Variants in RAPGEF1 observed in about 807,000 individuals in gnomAD.
The protein encoded by RAPGEF1 is Rap guanine nucleotide exchange factor 1.
In RAPGEF1, 33 loss-of-function variants were observed where a neutral mutation model predicts 143.3. The observed-to-expected ratio is 0.23, with a 90% CI of 0.17 to 0.31. RAPGEF1 has a LOEUF of 0.31. RAPGEF1 is among the 10% of genes least tolerant of loss of function. The pLI is 1.00. For synonymous variants in RAPGEF1, 629 were observed against 676.5 expected, an observed-to-expected ratio of 0.93 and a Z score of 1.09; for missense variants, 1,199 against 1,645.4, an observed-to-expected ratio of 0.73 and a Z score of 4.69.
At chr9:131,692,139 A>T (rs1833825482) in intron 1 of RAPGEF1, among the ~76,000 whole-genome samples, 1 of 152,212 alleles carries the variant, frequency 6.6e-6, no homozygotes, top group Non-Finnish European at 1.5e-5. Context: ...TCTTATCCAA[A>T]GTTCCAGCAA....
chr9:131,705,378 AC>A (rs1173035082), intron 1 of RAPGEF1, among the ~76,000 whole-genome samples: 5 of 152,044 alleles, frequency 3.3e-5, no homozygotes, highest in African/African-American at 9.7e-5. Flanking sequence ...AAAAAAAAAA[AC>A]CATGGATGTA....
In RAPGEF1 at chr9:131,721,465, G is replaced by A. The variant is rs12238813; in HGVS notation, c.61+18305C>T. ...AGAGTCCAACCCTTCAGTCTAAGGC[G>A]AAGTCTCGTTTGGAGGGGTGTACTT... On this transcript the variant is annotated intron_variant, in intron 1 of 26. Coordinates refer to ENST00000683357, the MANE Select transcript of RAPGEF1 (RefSeq NM_001377935.1). Among the ~76,000 whole-genome samples the A allele has an allele frequency of 1.9e-3, 283 of 152,270 alleles. 4 individuals carry two copies. In the East Asian group the frequency reaches 0.036, roughly 19 times the overall value.
At chr9:131,637,359 G>A (rs1405851509) in intron 5 of RAPGEF1, among the ~76,000 whole-genome samples, 1 of 152,198 alleles carries the variant, frequency 6.6e-6, no homozygotes, top group Non-Finnish European at 1.5e-5. Flanking sequence ...GCTGGGGTTG[G>A]AGGGCCACCC....
chr9:131,627,540 G>C (rs1023478132), intron 9 of RAPGEF1, among the ~76,000 whole-genome samples: 1 of 152,164 alleles, frequency 6.6e-6, no homozygotes, highest in East Asian at 1.9e-4. Flanking sequence ...GCCGGCTCGC[G>C]CGGCTCCCTC....
chr9:131,679,372 C>T (rs1832722529), intron 1 of RAPGEF1, among the ~76,000 whole-genome samples: 1 of 152,108 alleles, frequency 6.6e-6, no homozygotes, highest in Non-Finnish European at 1.5e-5. Flanking sequence ...GTCAGTGCTA[C>T]AAAAAGGACC....
intron 1 of RAPGEF1, among the ~76,000 whole-genome samples, chr9:131,691,943 A>AT (rs1470434860): frequency 6.6e-6 from 1 of 152,220 alleles, no homozygotes; most frequent in Non-Finnish European, 1.5e-5. Context: ...AAAACGAAAT[A>AT]TTTATGTTTT....
At chr9:131,730,710 A>AAAAAAAAAAAAAAC (rs1837007961) in intron 1 of RAPGEF1, among the ~76,000 whole-genome samples, 1 of 150,130 alleles carries the variant, frequency 6.7e-6, no homozygotes, top group Non-Finnish European at 1.5e-5. Context: ...AAAAAAAAAA[A>AAAAAAAAAAAAAAC]AAAAAAAAGA....
chr9:131,711,615 C>T (rs1835514996), intron 1 of RAPGEF1, among the ~76,000 whole-genome samples: 1 of 152,230 alleles, frequency 6.6e-6, no homozygotes, highest in Non-Finnish European at 1.5e-5. Flanking sequence ...GCCTCGGCCT[C>T]CCAAAGTGCT....
intron 1 of RAPGEF1, among the ~76,000 whole-genome samples, chr9:131,680,700 G>A (rs370954183): frequency 6.6e-6 from 1 of 152,208 alleles, no homozygotes; most frequent in African/African-American, 2.4e-5. Context: ...AGTATCTATA[G>A]AAACAATGCT....
At chr9:131,678,806 G>A (rs1288693409) in intron 1 of RAPGEF1, among the ~76,000 whole-genome samples, 1 of 152,172 alleles carries the variant, frequency 6.6e-6, no homozygotes, top group African/African-American at 2.4e-5. Flanking sequence ...CCATGATGGG[G>A]GGTGCCGGGG....
intron 1 of RAPGEF1, among the ~76,000 whole-genome samples, chr9:131,731,981 T>C (rs1051432125): frequency 6.6e-6 from 1 of 151,764 alleles, no homozygotes; most frequent in African/African-American, 2.4e-5. Flanking sequence ...GAGAAGAAAG[T>C]GGGAGAAAGG....
intron 1 of RAPGEF1, chr9:131,709,491 GT>G: frequency 1.3e-6 from 1 of 744,680 alleles, no homozygotes; most frequent in South Asian, 1.8e-5. Flanking sequence ...TTGAAATCAT[GT>G]TGGACTACCT....
chr9:131,644,353 T>G, intron 3 of RAPGEF1, among the ~76,000 whole-genome samples: 1 of 147,928 alleles, frequency 6.8e-6, no homozygotes, highest in Non-Finnish European at 1.5e-5. Flanking sequence ...TCTACAGAAG[T>G]GGAGTCTCTG....
intron 1 of RAPGEF1, among the ~76,000 whole-genome samples, chr9:131,710,473 A>G (rs534679844): frequency 7.2e-5 from 11 of 152,342 alleles, no homozygotes; most frequent in African/African-American, 2.6e-4. Flanking sequence ...GAAATCAATC[A>G]CATATTCTTG....
intron 14 of RAPGEF1, among the ~76,000 whole-genome samples, chr9:131,603,137 G>A (rs1243634718): frequency 6.6e-6 from 1 of 152,114 alleles, no homozygotes; most frequent in East Asian, 1.9e-4. Flanking sequence ...CTCTGGGTGG[G>A]CCTCTGAACC....
chr9:131,730,077 C>T (rs903932846), intron 1 of RAPGEF1, among the ~76,000 whole-genome samples: 1 of 151,358 alleles, frequency 6.6e-6, no homozygotes, highest in Non-Finnish European at 1.5e-5. Context: ...ACCTGTAGTC[C>T]CAGCTACTCA....
At chr9:131,649,170 T>C (rs1181493941) in intron 3 of RAPGEF1, among the ~76,000 whole-genome samples, 9 of 151,244 alleles carry the variant, frequency 6.0e-5, no homozygotes, top group African/African-American at 1.7e-4. Flanking sequence ...GCAGCTGGGA[T>C]TACAGGCGCC....
At chr9:131,676,946 ATC>A (rs1402446319) in intron 1 of RAPGEF1, among the ~76,000 whole-genome samples, 2 of 148,264 alleles carry the variant, frequency 1.3e-5, no homozygotes, top group Admixed American at 6.8e-5. Flanking sequence ...AGGCCCAGCA[ATC>A]TGTTTTAACA....
At position 131,626,400 on chromosome 9, in the gene RAPGEF1, T is replaced by C; in HGVS notation, c.1224A>G (p.Glu408=). The change falls in exon 10 of 27, where the codon GAA becomes GAG. Residue 408 remains glutamate, a synonymous_variant. Coordinates refer to ENST00000683357, the MANE Select transcript of RAPGEF1 (RefSeq NM_001377935.1). ...ETLDHYDPDY[E]FLQQDLSNAD... is the part of the protein sequence containing the mutation. Reference sequence around the variant, plus strand: ...CGTTAGAGAGGTCTTGCTGGAGGAATTCATAGTCGGGATCATAGTGGTCTG... The same window carrying C: ...CGTTAGAGAGGTCTTGCTGGAGGAACTCATAGTCGGGATCATAGTGGTCTG... 6.2e-7 allele frequency: 1 copy of C among 1,601,854 alleles called. No individual in the cohort carries two copies. The highest frequency in any genetic ancestry group is 8.5e-7 in the Non-Finnish European group (1 of 1,171,370).
Sources: gnomAD v4.1 joint callset for allele counts (sites outside exome capture counted in the v4.1 genomes callset) on GRCh38, gnomAD v4.1.1 for gene constraint, MANE v1.5 for transcripts, NCBI Gene and HGNC (gene_info 2026-07-23, HGNC 2026-07-21) for gene names.